Variants in SMURF2 observed in about 807,000 individuals in gnomAD.
SMURF2 encodes SMAD specific E3 ubiquitin protein ligase 2.
SMURF2 carries 48 observed loss-of-function variants against 109.6 expected under a neutral mutation model. The observed-to-expected ratio is 0.44, with a 90% confidence interval of 0.35 to 0.56. The LOEUF is 0.56. Ranked by LOEUF, SMURF2 falls within the 20% of genes least tolerant of loss-of-function variation. The probability of loss-of-function intolerance (pLI) is 0.01; values close to 1 mark genes in which losing one functional copy is unlikely to be tolerated. For synonymous variants in SMURF2, 288 were observed against 317.1 expected, an observed-to-expected ratio of 0.91 and a Z score of 0.97; for missense variants, 575 against 909.0, an observed-to-expected ratio of 0.63 and a Z score of 4.72.
chr17:64,606,484 T>A, intron 2 of SMURF2, 118 bp downstream of exon 2: 1 of 775,418 alleles, frequency 1.3e-6, no homozygotes, highest in Non-Finnish European at 2.1e-6. Context: ...GAAGCATTCA[T>A]AATAAAATAA....
Position 64,555,995 on chromosome 17 carries a change from G to A in SMURF2, c.1435C>T (p.His479Tyr). Reference sequence around the variant, plus strand: ...CCAACAAAGTGGAAATAGGATAAATGTTCCTGAAATTGAAAACAGTATATA... The same window carrying A: ...CCAACAAAGTGGAAATAGGATAAATATTCCTGAAATTGAAAACAGTATATA... ...INPDSAVNPE[H>Y]LSYFHFVGRI... The change falls in exon 14 of 19, where the codon CAT (histidine) becomes TAT (tyrosine). Residue 479 changes from histidine (H) to tyrosine (Y), a missense_variant. Physicochemically the swap from His to Tyr is moderately conservative, Grantham distance 83. Coordinates refer to ENST00000262435, the MANE Select transcript of SMURF2 (RefSeq NM_022739.4). The A allele has an allele frequency of 6.2e-7, 1 of 1,607,652 alleles. No homozygotes were observed. The highest frequency in any genetic ancestry group is 1.1e-5 in the South Asian group (1 of 90,200).
intron 9 of SMURF2, among the ~76,000 whole-genome samples, chr17:64,577,586 TA>T (rs530564573): frequency 0.018 from 2,318 of 132,184 alleles, 42 homozygotes; most frequent in African/African-American, 0.047. Context: ...AATAAAACAC[TA>T]AAAAAAAAAA....
intron 5 of SMURF2, among the ~76,000 whole-genome samples, chr17:64,586,961 C>T (rs1203535084): frequency 2.6e-5 from 4 of 151,860 alleles, no homozygotes; most frequent in African/African-American, 4.8e-5. Flanking sequence ...GTCAGGAGAT[C>T]GAGACTAGCC....
At chr17:64,627,757 C>T (rs1250847340) in intron 1 of SMURF2, among the ~76,000 whole-genome samples, 2 of 152,182 alleles carry the variant, frequency 1.3e-5, no homozygotes, top group East Asian at 1.9e-4. Context: ...ATGCTATAGA[C>T]CATCTCCAGC....
chr17:64,571,431 G>A (rs1969397600), intron 10 of SMURF2, among the ~76,000 whole-genome samples: 1 of 151,522 alleles, frequency 6.6e-6, no homozygotes, highest in South Asian at 2.1e-4. Context: ...AAGAGACAGG[G>A]TCTCCATCTG....
chr17:64,578,711 G>T (rs1292275142), intron 8 of SMURF2, 135 bp from the exon 9 acceptor site: 3 of 607,822 alleles, frequency 4.9e-6, no homozygotes, highest in Non-Finnish European at 5.7e-6. Context: ...ATCAAAAAAG[G>T]GCTTTACAAA....
intron 1 of SMURF2, among the ~76,000 whole-genome samples, chr17:64,608,292 G>T (rs1970000198): frequency 6.6e-6 from 1 of 151,820 alleles, no homozygotes; most frequent in Non-Finnish European, 1.5e-5. Context: ...CACTCTAAGG[G>T]TTCACATAAA....
At chr17:64,551,030 A>T (rs1256524071) in intron 16 of SMURF2, among the ~76,000 whole-genome samples, 2 of 152,166 alleles carry the variant, frequency 1.3e-5, no homozygotes, top group East Asian at 3.8e-4. Context: ...AAAGTACAGG[A>T]TAGAAAAATA....
chr17:64,614,821 C>T (rs1369156532), intron 1 of SMURF2, among the ~76,000 whole-genome samples: 3 of 152,168 alleles, frequency 2.0e-5, no homozygotes, highest in African/African-American at 7.2e-5. Context: ...AAGACATAGT[C>T]CTTTGCTCTC....
At chr17:64,659,309 TA>T (rs1299800145) in intron 1 of SMURF2, among the ~76,000 whole-genome samples, 4 of 152,186 alleles carry the variant, frequency 2.6e-5, no homozygotes, top group African/African-American at 9.7e-5. Flanking sequence ...AAAATACTAA[TA>T]TGGTATTAAC....
At position 64,581,430 on chromosome 17, in the gene SMURF2, A is replaced by G. The variant is rs1323476236; in HGVS notation, c.570-439T>C. On this transcript the variant is annotated intron_variant, in intron 7 of 18. Coordinates refer to ENST00000262435, the MANE Select transcript of SMURF2 (RefSeq NM_022739.4). The surrounding 1 kb of genome is among the most constrained non-coding windows in gnomAD (Gnocchi z 4.3). The stretch of plus-strand genomic sequence containing the variant: ...GCAGTTGCTCTTCCTTCCATCTGGC[A>G]TATTCTTTTCTCCTACTCTCCCTAG... Among the ~76,000 whole-genome samples the G allele has an allele frequency of 6.6e-6, 1 of 152,054 alleles. No homozygotes were observed. The highest frequency in any genetic ancestry group is 2.4e-5 in the African/African-American group (1 of 41,376).
intron 3 of SMURF2, among the ~76,000 whole-genome samples, chr17:64,598,164 C>G (rs1969844294): frequency 6.6e-6 from 1 of 152,100 alleles, no homozygotes; most frequent in Non-Finnish European, 1.5e-5. Context: ...TACTGTGAGC[C>G]AGTTTCATTT....
intron 1 of SMURF2, among the ~76,000 whole-genome samples, chr17:64,642,058 C>G (rs1298501369): frequency 6.6e-6 from 1 of 152,238 alleles, no homozygotes; most frequent in Non-Finnish European, 1.5e-5. Flanking sequence ...CTGCCCGACT[C>G]AGCCTCCCGA....
intron 5 of SMURF2, 63 bp from the exon 6 acceptor site, chr17:64,586,233 A>G: frequency 1.8e-6 from 2 of 1,100,164 alleles, no homozygotes; most frequent in Non-Finnish European, 2.6e-6. Context: ...ATAATCTAAA[A>G]TTTCTATCTT....
chr17:64,661,869 G>A lies in SMURF2; in HGVS notation c.12C>T (p.Pro4=), dbSNP rs1970783810. Residue 4 remains proline (P), a synonymous_variant, in exon 1 of 19, where the codon CCC becomes CCT. Transcript: ENST00000262435. The part of the protein sequence containing the change: MSN[P]GGRRNGPVKL... ...TGACGGGCCCGTTCCTCCGGCCTCC[G>A]GGGTTAGACATGTCCCCGGCGGCGG... is the stretch of plus-strand genomic sequence containing the variant. The A allele has an allele frequency of 1.6e-6, 2 of 1,214,946 alleles. No individual in the cohort carries two copies. Among genetic ancestry groups the A allele is most frequent in the South Asian group, 4.1e-5 (1 of 24,270 alleles). 75.3% of individuals were successfully genotyped at this position (1,214,946 alleles called of 1,614,324 possible). A position where few individuals can be genotyped will look rare whatever the true frequency, so the allele number is the denominator to read the frequency against.
In SMURF2 at chr17:64,545,759, T is replaced by A; in HGVS notation, c.*89A>T. 1 of 500,862 alleles carries A rather than the reference T, an allele frequency of 2.0e-6. No individual in the cohort carries two copies. The highest frequency in any genetic ancestry group is 3.5e-6 in the Non-Finnish European group (1 of 282,168). The allele number at this position is 500,862 out of a possible 1,614,324, so 31.0% of individuals were successfully genotyped here. A position where few individuals can be genotyped will look rare whatever the true frequency, so the allele number is the denominator to read the frequency against. ...GGGGGGGGGGGGGAGTGTTTTCCTG[T>A]ATTTCAGCATATTCTTTGAAACTCT... On this transcript the variant is annotated 3_prime_UTR_variant, in exon 19 of 19. Coordinates refer to ENST00000262435, the MANE Select transcript of SMURF2 (RefSeq NM_022739.4).
At chr17:64,624,804 C>T (rs554788857) in intron 1 of SMURF2, among the ~76,000 whole-genome samples, 1 of 147,654 alleles carries the variant, frequency 6.8e-6, no homozygotes, top group South Asian at 2.1e-4. Flanking sequence ...CCAGCCTGGG[C>T]AACAGAGCAA....
At chr17:64,608,324 T>C (rs1298892437) in intron 1 of SMURF2, among the ~76,000 whole-genome samples, 2 of 152,140 alleles carry the variant, frequency 1.3e-5, no homozygotes, top group Admixed American at 1.3e-4. Context: ...AAAACAGATG[T>C]CATCACTAAA....
At chr17:64,656,983 C>T (rs1970714534) in intron 1 of SMURF2, among the ~76,000 whole-genome samples, 1 of 152,186 alleles carries the variant, frequency 6.6e-6, no homozygotes. Context: ...AGAGCCTCAC[C>T]TCTTGCCACT....
Sources: allele counts gnomAD v4.1 joint callset (sites outside exome capture counted in the v4.1 genomes callset), GRCh38; gene constraint gnomAD v4.1.1; non-coding constraint Gnocchi (gnomAD v3.1); transcripts MANE v1.5; gene names NCBI Gene and HGNC (gene_info 2026-07-23, HGNC 2026-07-21).